Variants in PPM1H observed in about 807,000 individuals in gnomAD.
The protein encoded by PPM1H is protein phosphatase, Mg2+/Mn2+ dependent 1H, also known as protein phosphatase 1H.
Under a neutral mutation model 54.9 loss-of-function variants are expected in PPM1H, and 27 were observed. That is an observed-to-expected ratio of 0.49 (90% CI 0.36 to 0.68). The LOEUF is 0.68. Among genes scored for constraint, PPM1H ranks in the 30% least tolerant of loss-of-function variants. PPM1H has a pLI of 0.00. For missense variants in PPM1H, 596 were observed against 667.8 expected (o/e 0.89, Z 1.19); for synonymous variants, 305 against 270.8 (o/e 1.13, Z -1.24).
chr12:62,844,143 G>A lies in PPM1H; in HGVS notation c.246-11864C>T, dbSNP rs1868865498. On this transcript the variant is annotated intron_variant, in intron 1 of 9. Coordinates refer to ENST00000228705, the MANE Select transcript of PPM1H (RefSeq NM_020700.2). The surrounding 1 kb of genome is among the most constrained non-coding windows in gnomAD (Gnocchi z 5.2). ...CGAGTTTATTCCAGCGCAGTGCAAAGCTTAAGAACAGCCACCTGGGCAGCA... is the reference window on the plus strand; with the variant it reads ...CGAGTTTATTCCAGCGCAGTGCAAAACTTAAGAACAGCCACCTGGGCAGCA... 6.6e-6 allele frequency among the ~76,000 whole-genome samples: 1 copy of A among 152,194 alleles called. No homozygotes were observed.
intron 1 of PPM1H, among the ~76,000 whole-genome samples, chr12:62,859,671 A>T (rs1430169793): frequency 6.6e-6 from 1 of 152,166 alleles, no homozygotes; most frequent in African/African-American, 2.4e-5. Context: ...GCATTCAAAA[A>T]TGTCAAGTTA....
chr12:62,800,116 C>T (rs940472040), intron 3 of PPM1H, among the ~76,000 whole-genome samples: 2 of 152,122 alleles, frequency 1.3e-5, no homozygotes, highest in African/African-American at 4.8e-5. Flanking sequence ...AAAGAGGATG[C>T]AAATTTGAGG....
chr12:62,750,543 T>G lies in PPM1H; in HGVS notation c.870-12957A>C, dbSNP rs181023491. Among the ~76,000 whole-genome samples the G allele has an allele frequency of 7.9e-5, 12 of 152,382 alleles. No homozygotes were observed. In the East Asian group the frequency reaches 2.3e-3, roughly 29 times the overall value. On this transcript the variant is annotated intron_variant, in intron 4 of 9. Coordinates refer to ENST00000228705, the MANE Select transcript of PPM1H (RefSeq NM_020700.2). ...GTTGGCAGACATTTGTGTTTCCATTTTTTTTGAAACAGTGAATAATGCTGC... is the reference window on the plus strand; with the variant it reads ...GTTGGCAGACATTTGTGTTTCCATTGTTTTTGAAACAGTGAATAATGCTGC...
chr12:62,830,387 C>T (rs1868338068), intron 2 of PPM1H, among the ~76,000 whole-genome samples: 1 of 152,118 alleles, frequency 6.6e-6, no homozygotes, highest in African/African-American at 2.4e-5. Context: ...TCCTGAGTAG[C>T]TGGGACTACA....
chr12:62,913,482 C>A (rs930314226), intron 1 of PPM1H, among the ~76,000 whole-genome samples: 3 of 152,164 alleles, frequency 2.0e-5, no homozygotes. Context: ...CCCTTCCATG[C>A]ACCCACACTC....
chr12:62,929,293 T>A (rs747264783), intron 1 of PPM1H, among the ~76,000 whole-genome samples: 50 of 152,120 alleles, frequency 3.3e-4, no homozygotes, highest in Non-Finnish European at 4.7e-4. Flanking sequence ...AATGATTTCA[T>A]CAATTGAGAG....
intron 9 of PPM1H, among the ~76,000 whole-genome samples, chr12:62,653,371 A>G (rs1425693716): frequency 6.6e-6 from 1 of 152,160 alleles, no homozygotes; most frequent in Non-Finnish European, 1.5e-5. Flanking sequence ...CTTCTCTGCG[A>G]TATCTTTCAA....
At position 62,817,378 on chromosome 12, in the gene PPM1H, C is replaced by T. The variant is rs183028047; in HGVS notation, c.411+14736G>A. ...CCAGGAGGCTGAGGCAGGAGAATGG[C>T]GTGAACCTGGCAGGCGGAGCTTGCA... On this transcript the variant is annotated intron_variant, in intron 2 of 9. Transcript: ENST00000228705. Among the ~76,000 whole-genome samples, 291 of 151,338 alleles carry T rather than the reference C, an allele frequency of 1.9e-3. 1 individual carries two copies. Among genetic ancestry groups the T allele is most frequent in the Admixed American group, 3.5e-3 (54 of 15,222 alleles).
At chr12:62,665,995 T>A (rs911452986) in intron 9 of PPM1H, among the ~76,000 whole-genome samples, 3 of 152,142 alleles carry the variant, frequency 2.0e-5, no homozygotes, top group African/African-American at 7.2e-5. Context: ...TCCCAAAGTG[T>A]TGGGATTACA....
chr12:62,734,573 A>T (rs756152878), intron 5 of PPM1H, among the ~76,000 whole-genome samples: 1 of 152,232 alleles, frequency 6.6e-6, no homozygotes, highest in African/African-American at 2.4e-5. Context: ...GACATTTGGG[A>T]ATCTGAAAAT....
chr12:62,757,270 T>C (rs139364695), intron 4 of PPM1H, among the ~76,000 whole-genome samples: 2 of 152,182 alleles, frequency 1.3e-5, no homozygotes, highest in Admixed American at 6.5e-5. Flanking sequence ...TGATTTTTGA[T>C]AGATAAACTG....
chr12:62,709,269 C>T (rs1054508822), intron 6 of PPM1H, among the ~76,000 whole-genome samples: 3 of 152,140 alleles, frequency 2.0e-5, no homozygotes, highest in African/African-American at 7.2e-5. Flanking sequence ...CATGAATGCC[C>T]CCATCTGCTG....
At chr12:62,869,975 A>G (rs906153837) in intron 1 of PPM1H, among the ~76,000 whole-genome samples, 3 of 152,178 alleles carry the variant, frequency 2.0e-5, no homozygotes, top group Non-Finnish European at 4.4e-5. Context: ...GAGCAGGACC[A>G]TGTTTAGATG....
chr12:62,693,788 A>G, intron 7 of PPM1H, 148 bp downstream of exon 7: 1 of 728,430 alleles, frequency 1.4e-6, no homozygotes, highest in Non-Finnish European at 2.3e-6. Flanking sequence ...AGGAGGCCTG[A>G]AGGATGATGG....
chr12:62,646,717 C>G lies in PPM1H; in HGVS notation c.*1772G>C, dbSNP rs1429539143. The G allele has an allele frequency of 1.3e-5, 2 of 152,270 alleles. No individual in the cohort carries two copies. The highest frequency in any genetic ancestry group is 2.9e-5 in the Non-Finnish European group (2 of 68,074). The allele number at this position is 152,270 out of a possible 1,614,324, so 9.4% of individuals were successfully genotyped here. A position where few individuals can be genotyped will look rare whatever the true frequency, so the allele number is the denominator to read the frequency against. On this transcript the variant is annotated 3_prime_UTR_variant, in exon 10 of 10. Coordinates refer to ENST00000228705, the MANE Select transcript of PPM1H (RefSeq NM_020700.2). ...TCCCAGGCCAACACTTGCACAAACA[C>G]CTGGTGGCGTGAATTCCCACAGTAT... is the stretch of plus-strand genomic sequence containing the variant.
intron 1 of PPM1H, among the ~76,000 whole-genome samples, chr12:62,867,367 G>A (rs1869812931): frequency 6.6e-6 from 1 of 151,944 alleles, no homozygotes; most frequent in South Asian, 2.1e-4. Context: ...TTCAAACTTT[G>A]TATCTTTAAA....
At chr12:62,821,423 A>T (rs564570739) in intron 2 of PPM1H, among the ~76,000 whole-genome samples, 2 of 152,186 alleles carry the variant, frequency 1.3e-5, no homozygotes, top group Non-Finnish European at 2.9e-5. Flanking sequence ...TACAGAGACC[A>T]CCACAAAGAT....
intron 4 of PPM1H, among the ~76,000 whole-genome samples, chr12:62,768,602 C>A (rs1230644671): frequency 6.6e-6 from 1 of 151,940 alleles, no homozygotes; most frequent in Non-Finnish European, 1.5e-5. Flanking sequence ...TTGCAGTGAG[C>A]CGAGATCCCG....
chr12:62,682,882 C>T (rs1024147829), intron 8 of PPM1H, among the ~76,000 whole-genome samples: 1 of 150,918 alleles, frequency 6.6e-6, no homozygotes, highest in Non-Finnish European at 1.5e-5. Flanking sequence ...GGTGCAGTGG[C>T]ACAATCATGG....
Sources: gnomAD v4.1 joint callset for allele counts (sites outside exome capture counted in the v4.1 genomes callset) on GRCh38, gnomAD v4.1.1 for gene constraint, Gnocchi (gnomAD v3.1) non-coding constraint, MANE v1.5 for transcripts, NCBI Gene and HGNC (gene_info 2026-07-23, HGNC 2026-07-21) for gene names.